FUT8: variants seen among roughly 807,000 people sequenced by gnomAD.
FUT8 encodes fucosyltransferase 8.
Under a neutral mutation model 71.3 loss-of-function variants are expected in FUT8, and 29 were observed. That is an observed-to-expected ratio of 0.41 (90% CI 0.30 to 0.55). The LOEUF (loss-of-function observed/expected upper bound fraction) is 0.55. FUT8 is among the 20% of genes least tolerant of loss of function. FUT8 has a pLI of 0.34. For synonymous variants in FUT8, 254 were observed against 239.3 expected (o/e 1.06, Z -0.57); for missense variants, 544 against 702.1 (o/e 0.77, Z 2.55).
intron 7 of FUT8, among the ~76,000 whole-genome samples, chr14:65,709,316 A>T (rs1894705319): frequency 6.6e-6 from 1 of 152,164 alleles, no homozygotes; most frequent in African/African-American, 2.4e-5. Flanking sequence ...AGTTTGAATA[A>T]ACCTTTGTTT....
intron 3 of FUT8, among the ~76,000 whole-genome samples, chr14:65,602,949 G>A (rs61987991): frequency 0.06 from 9,074 of 151,920 alleles, 443 homozygotes; most frequent in Admixed American, 0.11. Context: ...CACTCTGTGG[G>A]TTGTGTTTAT....
chr14:65,402,669 C>CA, the FUT8 span, among the ~76,000 whole-genome samples: 105,175 of 151,308 alleles, frequency 0.7, 36,838 homozygotes, highest in East Asian at 0.9. Context: ...CCGTCTAAAG[C>CA]AAAAAAAATT....
At chr14:65,421,443 G>A (rs927523594) in intron 1 of FUT8, among the ~76,000 whole-genome samples, 2 of 151,962 alleles carry the variant, frequency 1.3e-5, no homozygotes, top group Non-Finnish European at 2.9e-5. Flanking sequence ...TGCCTTTTTT[G>A]CTTTTTCATT....
chr14:65,442,571 G>A (rs1296019941), intron 1 of FUT8, among the ~76,000 whole-genome samples: 1 of 150,812 alleles, frequency 6.6e-6, no homozygotes, highest in Non-Finnish European at 1.5e-5. Flanking sequence ...GTGGTGGCTC[G>A]CACCTGTAAT....
At chr14:65,495,315 A>G (rs1348970739) in intron 2 of FUT8, among the ~76,000 whole-genome samples, 1 of 152,136 alleles carries the variant, frequency 6.6e-6, no homozygotes, top group African/African-American at 2.4e-5. Flanking sequence ...ACCTGTTTTT[A>G]CATATTAAAT....
At position 65,512,497 on chromosome 14, in the gene FUT8, A is replaced by G. The variant is rs866043547; in HGVS notation, c.-227-48840A>G. On this transcript the variant is annotated intron_variant, in intron 2 of 10. Transcript: ENST00000673929. The stretch of plus-strand genomic sequence containing the variant: ...TATGATCTTATGGGACCACTCATAT[A>G]TGCAGTTCGTTGTTGATTAAAACCA... Among the ~76,000 whole-genome samples the G allele has an allele frequency of 8.5e-5, 13 of 152,174 alleles. No individual in the cohort carries two copies. The South Asian group carries it at 1.4e-3, about 17-fold the overall frequency.
intron 3 of FUT8, among the ~76,000 whole-genome samples, chr14:65,580,070 T>TATATA (rs3986817): frequency 6.3e-5 from 9 of 142,846 alleles, no homozygotes; most frequent in South Asian, 2.2e-4. Context: ...GTGCTATATT[T>TATATA]TATATATATA....
At chr14:65,517,640 A>G (rs1362348625) in intron 2 of FUT8, among the ~76,000 whole-genome samples, 1 of 152,180 alleles carries the variant, frequency 6.6e-6, no homozygotes, top group African/African-American at 2.4e-5. Flanking sequence ...TTAGATCATG[A>G]CATATCTTTA....
At chr14:65,538,176 C>G (rs576848680) in intron 2 of FUT8, among the ~76,000 whole-genome samples, 18 of 152,288 alleles carry the variant, frequency 1.2e-4, no homozygotes, top group Admixed American at 5.9e-4. Context: ...ACCCTCTGGG[C>G]TCTATCCTTA....
intron 3 of FUT8, among the ~76,000 whole-genome samples, chr14:65,587,684 T>C (rs1887466601): frequency 6.6e-6 from 1 of 152,250 alleles, no homozygotes; most frequent in Non-Finnish European, 1.5e-5. Context: ...CCACTTGGAC[T>C]ATTAAAATAT....
In FUT8 at chr14:65,685,223, A is replaced by C. The variant is rs528372760; in HGVS notation, c.835+15743A>C. 5.3e-5 allele frequency among the ~76,000 whole-genome samples: 8 copies of C among 152,314 alleles called. No homozygotes were observed. The South Asian group carries it at 1.0e-3, about 20-fold the overall frequency. ...AGTATGAGACAGCATATTTTTGCAA[A>C]GTACCGCTCCATTTCCTAATTCAAA... is the stretch of plus-strand genomic sequence containing the variant. On this transcript the variant is annotated intron_variant, in intron 7 of 10. Transcript: ENST00000673929.
chr14:65,439,966 A>G lies in FUT8; in HGVS notation c.-325-15655A>G, dbSNP rs199498402. 1.4e-3 allele frequency among the ~76,000 whole-genome samples: 182 copies of G among 128,962 alleles called. 7 individuals carry two copies. The highest frequency in any genetic ancestry group is 4.5e-3 in the East Asian group (19 of 4,248). 84.6% of individuals were successfully genotyped at this position (128,962 alleles called of 152,430 possible). On this transcript the variant is annotated intron_variant, in intron 1 of 10. Coordinates refer to ENST00000673929, the MANE Select transcript of FUT8 (RefSeq NM_001371533.1). ...TGTGTGTGTGTGTGTATATATATAT[A>G]TATATATATATATATATATATATAT...
chr14:65,524,874 G>A (rs2139877976), intron 2 of FUT8, among the ~76,000 whole-genome samples: 1 of 152,278 alleles, frequency 6.6e-6, no homozygotes, highest in East Asian at 1.9e-4. Flanking sequence ...GCTGGATTAT[G>A]TTTATTGATT....
intron 1 of FUT8, among the ~76,000 whole-genome samples, chr14:65,449,709 T>C (rs1475268652): frequency 1.3e-5 from 2 of 152,216 alleles, no homozygotes; most frequent in Admixed American, 6.5e-5. Flanking sequence ...AGTAAAATTC[T>C]TCATAGTGAG....
At chr14:65,491,173 A>G (rs1011462329) in intron 2 of FUT8, among the ~76,000 whole-genome samples, 1 of 152,144 alleles carries the variant, frequency 6.6e-6, no homozygotes, top group African/African-American at 2.4e-5. Flanking sequence ...TAATACATCA[A>G]TGATTAGGGT....
At chr14:65,620,671 AAAAC>A (rs1274610042) in intron 5 of FUT8, among the ~76,000 whole-genome samples, 1 of 152,182 alleles carries the variant, frequency 6.6e-6, no homozygotes. Context: ...CATATACACA[AAAAC>A]AGAGAGAGAG....
chr14:65,411,883 G>A (rs1036644157), upstream of FUT8: 2 of 371,044 alleles, frequency 5.4e-6, no homozygotes, highest in South Asian at 2.0e-5. Context: ...TGTGTGCTGG[G>A]GCGGCGCGCT....
chr14:65,720,766 C>T (rs928136982), intron 7 of FUT8, among the ~76,000 whole-genome samples: 4 of 152,130 alleles, frequency 2.6e-5, no homozygotes, highest in South Asian at 2.1e-4. Flanking sequence ...TATAGTGGTG[C>T]GGCTTGTTGA....
Position 65,577,070 on chromosome 14 carries a change from G to A in FUT8, c.203+15304G>A, listed in dbSNP as rs563627098. Among the ~76,000 whole-genome samples the A allele has an allele frequency of 3.5e-3, 532 of 151,716 alleles. 4 individuals are homozygous for A. The highest frequency in any genetic ancestry group is 0.012 in the African/African-American group (503 of 41,296). ...TCCCTATGTTGCCCAGGGTGGTCTC[G>A]AACTCCTGGGCTCTAGCAGTCCTCC... On this transcript the variant is annotated intron_variant, in intron 3 of 10. Coordinates refer to ENST00000673929, the MANE Select transcript of FUT8 (RefSeq NM_001371533.1).
Sources: gnomAD v4.1 joint callset for allele counts (sites outside exome capture counted in the v4.1 genomes callset) on GRCh38, gnomAD v4.1.1 for gene constraint, MANE v1.5 for transcripts, NCBI Gene and HGNC (gene_info 2026-07-23, HGNC 2026-07-21) for gene names.